Variants in AOX1 observed in about 807,000 individuals in gnomAD.
AOX1 encodes aldehyde oxidase.
Under a neutral mutation model 169.5 loss-of-function variants are expected in AOX1, and 153 were observed. The observed-to-expected ratio is 0.90, with a 90% CI of 0.79 to 1.03. AOX1 has a LOEUF of 1.03. Ranked by LOEUF, AOX1 falls within the 50% of genes least tolerant of loss-of-function variation. The probability of loss-of-function intolerance (pLI) is 0.00; values close to 1 mark genes in which losing one functional copy is unlikely to be tolerated. For missense variants in AOX1, 1,656 were observed against 1,663.9 expected (o/e 1.00, Z 0.08); for synonymous variants, 562 against 581.9 (o/e 0.97, Z 0.49).
chr2:200,632,493 CA>C (rs1330706232), intron 20 of AOX1, among the ~76,000 whole-genome samples: 4 of 151,930 alleles, frequency 2.6e-5, no homozygotes, highest in African/African-American at 7.2e-5. Flanking sequence ...CATTGATAAT[CA>C]CATGAAGCAA....
At chr2:200,654,717 A>C (rs754854592) in intron 26 of AOX1, among the ~76,000 whole-genome samples, 3 of 152,222 alleles carry the variant, frequency 2.0e-5, no homozygotes, top group African/African-American at 4.8e-5. Flanking sequence ...CGATACCAGT[A>C]GTATTTGTTT....
rs772813115 is a variant in AOX1, at chr2:200,621,153, C to T, written c.1908C>T (p.Pro636=). Residue 636 remains proline (P), a synonymous_variant, in exon 18 of 35, where the codon CCC becomes CCT. Transcript: ENST00000374700. The part of the protein sequence containing the change: ...SIDLSEALSM[P]GVVDIMTAEH... Reference sequence around the variant, plus strand: ...ATCTGTCAGAAGCTCTCAGCATGCCCGGTGTGGTGGACATCATGACAGCAG... The same window carrying T: ...ATCTGTCAGAAGCTCTCAGCATGCCTGGTGTGGTGGACATCATGACAGCAG... 7.4e-6 allele frequency: 12 copies of T among 1,614,102 alleles called. No homozygotes were observed. The highest frequency in any genetic ancestry group is 6.7e-5 in the East Asian group (3 of 44,882).
Position 200,621,129 on chromosome 2 carries a change from T to A in AOX1, c.1884T>A (p.Asp628Glu). The change falls in exon 18 of 35, where the codon GAT becomes GAA. Residue 628 changes from aspartate to glutamate, a missense_variant. By Grantham distance (45) the Asp-to-Glu change is conservative. Transcript: ENST00000374700. ...TGTGTATATCATCTAGGTCTATTGA[T>A]CTGTCAGAAGCTCTCAGCATGCCCG... ...SRAHAKIVSI[D>E]LSEALSMPGV... is the part of the protein sequence containing the mutation. 1 of 1,613,408 alleles carries A rather than the reference T, an allele frequency of 6.2e-7. No individual in the cohort carries two copies. Among genetic ancestry groups the A allele is most frequent in the Non-Finnish European group, 8.5e-7 (1 of 1,179,850 alleles).
In AOX1 at chr2:200,587,312, A is replaced by C. The variant is rs189323948; in HGVS notation, c.45+1159A>C. ...CTTAAAAACAACAAAAACAGAGCTA[A>C]CAACCAAGCAAGAGCAGTGGCACCT... On this transcript the variant is annotated intron_variant, in intron 1 of 34. Coordinates refer to ENST00000374700, the MANE Select transcript of AOX1 (RefSeq NM_001159.4). Among the ~76,000 whole-genome samples, 341 of 152,234 alleles carry C rather than the reference A, an allele frequency of 2.2e-3. 1 individual carries two copies. The highest frequency in any genetic ancestry group is 0.02 in the Middle Eastern group (6 of 294).
intron 1 of AOX1, among the ~76,000 whole-genome samples, chr2:200,591,847 T>C (rs1228289614): frequency 6.6e-6 from 1 of 152,008 alleles, no homozygotes. Flanking sequence ...CTCAGGCAGG[T>C]CTTATAATCA....
chr2:200,631,735 T>C (rs1159336874), intron 20 of AOX1, among the ~76,000 whole-genome samples: 2 of 152,180 alleles, frequency 1.3e-5, no homozygotes, highest in Admixed American at 1.3e-4. Flanking sequence ...CAGGAACAGC[T>C]CTGTCTAATT....
chr2:200,652,352 T>C (rs1040460278), intron 26 of AOX1, among the ~76,000 whole-genome samples: 3 of 152,116 alleles, frequency 2.0e-5, no homozygotes, highest in Non-Finnish European at 4.4e-5. Context: ...TGGCAAAAAA[T>C]AACACAGAGC....
At position 200,605,701 on chromosome 2, in the gene AOX1, C is replaced by A. The variant is rs541376174; in HGVS notation, c.907+73C>A. On this transcript the variant is annotated intron_variant, in intron 10 of 34. Coordinates refer to ENST00000374700, the MANE Select transcript of AOX1 (RefSeq NM_001159.4). ...TTATTTACCTTGCCCAGCAGACAAG[C>A]AGAAAAAGAATGATTCCTAATTATA... 2.0e-4 allele frequency: 131 copies of A among 658,668 alleles called. No individual in the cohort carries two copies. In the African/African-American group the frequency reaches 2.2e-3, roughly 11 times the overall value. The allele number at this position is 658,668 out of a possible 1,614,324, so 40.8% of individuals were successfully genotyped here. A position where few individuals can be genotyped will look rare whatever the true frequency, so the allele number is the denominator to read the frequency against.
At chr2:200,676,480 A>G (rs184737571), downstream of AOX1, among the ~76,000 whole-genome samples, 17 of 152,036 alleles carry the variant, frequency 1.1e-4, no homozygotes, top group Admixed American at 7.9e-4. Context: ...TGTGCCTGTA[A>G]TCCCAGCTAC....
downstream of AOX1, chr2:200,671,631 A>G (rs1559265306): frequency 6.6e-6 from 1 of 152,202 alleles, no homozygotes; most frequent in Non-Finnish European, 1.5e-5. Flanking sequence ...CAGTAGGATG[A>G]TTGTAATCAA....
intron 20 of AOX1, among the ~76,000 whole-genome samples, chr2:200,634,164 A>ATTTTTTTTTT (rs58341876): frequency 1.6e-3 from 140 of 84,968 alleles, no homozygotes; most frequent in South Asian, 2.0e-3. Flanking sequence ...TTTCTTGAGG[A>ATTTTTTTTTT]TTTTTTTTTT....
chr2:200,638,175 G>A (rs2470900), intron 22 of AOX1, 40 bp from the exon 23 acceptor site: 177,471 of 1,591,328 alleles, frequency 0.11, 13,858 homozygotes, highest in East Asian at 0.45. Context: ...ATGCCTGCTA[G>A]GTAAAAGAGG....
At chr2:200,633,053 T>C (rs897964368) in intron 20 of AOX1, among the ~76,000 whole-genome samples, 1 of 151,952 alleles carries the variant, frequency 6.6e-6, no homozygotes, top group Non-Finnish European at 1.5e-5. Context: ...TCCACCACCA[T>C]GCCTAGCTAA....
At chr2:200,631,147 A>AT (rs1223697535) in intron 20 of AOX1, among the ~76,000 whole-genome samples, 2 of 152,342 alleles carry the variant, frequency 1.3e-5, no homozygotes, top group East Asian at 3.9e-4. Context: ...CTGCGAAGAT[A>AT]TATTTCAACT....
intron 7 of AOX1, 104 bp from the exon 8 acceptor site, chr2:200,603,913 T>A (rs963440233): frequency 1.4e-5 from 11 of 766,516 alleles, no homozygotes; most frequent in Non-Finnish European, 2.4e-5. Context: ...GACTTTTTTG[T>A]CGGTTTGCTG....
intron 26 of AOX1, among the ~76,000 whole-genome samples, chr2:200,656,216 A>G (rs560864504): frequency 2.2e-4 from 34 of 152,360 alleles, no homozygotes; most frequent in Middle Eastern, 6.8e-3. Context: ...GCCAAAGGGA[A>G]GAAGCCATCC....
At chr2:200,622,127 C>T (rs1380925094) in intron 18 of AOX1, among the ~76,000 whole-genome samples, 2 of 152,220 alleles carry the variant, frequency 1.3e-5, no homozygotes. Flanking sequence ...GATCTCTACT[C>T]TCATGGAGCT....
intron 26 of AOX1, among the ~76,000 whole-genome samples, chr2:200,654,552 C>T (rs977925474): frequency 6.6e-6 from 1 of 152,192 alleles, no homozygotes; most frequent in Non-Finnish European, 1.5e-5. Flanking sequence ...AGTGTACTTA[C>T]TTCCTGCAGT....
rs1183759248 is a variant in AOX1 at position 200,603,173 on chromosome 2, T to A, written c.499-94T>A. 6.3e-6 allele frequency: 6 copies of A among 949,850 alleles called. No homozygotes were observed. In the African/African-American group the frequency reaches 9.8e-5, roughly 15 times the overall value. The allele number at this position is 949,850 out of a possible 1,614,324, so 58.8% of individuals were successfully genotyped here. A position where few individuals can be genotyped will look rare whatever the true frequency, so the allele number is the denominator to read the frequency against. Reference sequence around the variant, plus strand: ...CTTTCATGGCATCTAACGATATTGATTCAGCATTATGTTTCAACTGGCATT... The same window carrying A: ...CTTTCATGGCATCTAACGATATTGAATCAGCATTATGTTTCAACTGGCATT... On this transcript the variant is annotated intron_variant, in intron 6 of 34. Coordinates refer to ENST00000374700, the MANE Select transcript of AOX1 (RefSeq NM_001159.4).
Sources: gnomAD v4.1 joint callset for allele counts (sites outside exome capture counted in the v4.1 genomes callset) on GRCh38, gnomAD v4.1.1 for gene constraint, MANE v1.5 for transcripts, NCBI Gene and HGNC (gene_info 2026-07-23, HGNC 2026-07-21) for gene names.